KALRN: variants seen among roughly 807,000 people sequenced by gnomAD.
KALRN encodes kalirin RhoGEF kinase.
Under a neutral mutation model 353.7 loss-of-function variants are expected in KALRN, and 70 were observed. The ratio of observed to expected loss-of-function variants is 0.20; its 90% CI spans 0.16 to 0.24. The LOEUF (loss-of-function observed/expected upper bound fraction) is 0.24. KALRN is among the 10% of genes least tolerant of loss of function. The probability of loss-of-function intolerance (pLI) is 1.00; values close to 1 mark genes in which losing one functional copy is unlikely to be tolerated. For synonymous variants in KALRN, 1,391 were observed against 1,434.8 expected (o/e 0.97, Z 0.69); for missense variants, 2,791 against 3,756.7 (o/e 0.74, Z 6.72).
At chr3:124,506,464 A>T (rs572437) in intron 33 of KALRN, among the ~76,000 whole-genome samples, 145,303 of 152,156 alleles carry the variant, frequency 0.95, 69,745 homozygotes, top group East Asian at 1. Context: ...CAGATAGTCT[A>T]ATTTTTTTTT....
chr3:124,500,436 T>C (rs1341692819), intron 33 of KALRN, among the ~76,000 whole-genome samples: 1 of 152,212 alleles, frequency 6.6e-6, no homozygotes, highest in East Asian at 1.9e-4. Context: ...ATAGGGTCTG[T>C]AACTTGGAAA....
intron 34 of KALRN, among the ~76,000 whole-genome samples, chr3:124,580,876 G>C (rs979262704): frequency 6.6e-6 from 1 of 151,928 alleles, no homozygotes; most frequent in South Asian, 2.1e-4. Context: ...GGGAGGCCGA[G>C]GGGGGCAGAT....
At chr3:124,577,117 A>T (rs1006764178) in intron 34 of KALRN, among the ~76,000 whole-genome samples, 1 of 152,178 alleles carries the variant, frequency 6.6e-6, no homozygotes, top group African/African-American at 2.4e-5. Context: ...AATGTTGGCC[A>T]TTCTGGGGAG....
intron 1 of KALRN, among the ~76,000 whole-genome samples, chr3:124,041,216 A>G (rs960303099): frequency 6.6e-5 from 10 of 152,190 alleles, no homozygotes; most frequent in Non-Finnish European, 1.3e-4. Flanking sequence ...GCAGGAGGTA[A>G]ACACTCCATT....
At chr3:124,524,094 A>G (rs2067380180) in intron 33 of KALRN, among the ~76,000 whole-genome samples, 1 of 152,254 alleles carries the variant, frequency 6.6e-6, no homozygotes, top group Non-Finnish European at 1.5e-5. Flanking sequence ...AGAACATGGC[A>G]TGTTATAGAA....
intron 5 of KALRN, among the ~76,000 whole-genome samples, chr3:124,290,102 TG>T (rs1378680498): frequency 6.6e-6 from 1 of 152,196 alleles, no homozygotes; most frequent in Non-Finnish European, 1.5e-5. Flanking sequence ...CTGTCATTTT[TG>T]TCATGCTGAG....
chr3:124,361,909 CT>C (rs1313512319), intron 10 of KALRN, among the ~76,000 whole-genome samples: 1 of 151,642 alleles, frequency 6.6e-6, no homozygotes, highest in East Asian at 1.9e-4. Context: ...CATTTGTAGC[CT>C]CTTTCTTCCT....
chr3:124,356,358 A>T (rs1345627470), intron 10 of KALRN, among the ~76,000 whole-genome samples: 1 of 116,156 alleles, frequency 8.6e-6, no homozygotes. Context: ...TTTGAGACAG[A>T]GTTTCTCTCT....
At chr3:124,512,761 G>A (rs140964121) in intron 33 of KALRN, among the ~76,000 whole-genome samples, 2 of 152,128 alleles carry the variant, frequency 1.3e-5, no homozygotes, top group Non-Finnish European at 2.9e-5. Context: ...ACATACATAC[G>A]TATGTGCATG....
intron 1 of KALRN, among the ~76,000 whole-genome samples, chr3:124,175,853 CT>C (rs1342990171): frequency 3.9e-5 from 6 of 152,228 alleles, no homozygotes; most frequent in African/African-American, 1.4e-4. Flanking sequence ...CCTCTATTCT[CT>C]AGCTGTCCTC....
intron 33 of KALRN, among the ~76,000 whole-genome samples, chr3:124,551,170 G>A (rs2070484440): frequency 6.6e-6 from 1 of 152,094 alleles, no homozygotes; most frequent in South Asian, 2.1e-4. Context: ...TGAGGCATGG[G>A]GAAGCAGTCA....
intron 1 of KALRN, among the ~76,000 whole-genome samples, chr3:124,119,771 G>C (rs751437391): frequency 2.0e-5 from 3 of 152,212 alleles, no homozygotes; most frequent in Non-Finnish European, 4.4e-5. Flanking sequence ...GAGGAGTAGG[G>C]AGGATGGCTT....
intron 5 of KALRN, among the ~76,000 whole-genome samples, chr3:124,271,740 C>G (rs1200748572): frequency 6.6e-6 from 1 of 152,198 alleles, no homozygotes; most frequent in African/African-American, 2.4e-5. Context: ...TGGCGCATGC[C>G]TTGATGGCCC....
intron 33 of KALRN, among the ~76,000 whole-genome samples, chr3:124,542,017 C>G (rs1009044618): frequency 6.6e-6 from 1 of 152,174 alleles, no homozygotes. Flanking sequence ...GGTAGCTTTT[C>G]ATGGGCCAAG....
intron 33 of KALRN, among the ~76,000 whole-genome samples, chr3:124,512,907 A>G (rs1045418396): frequency 3.9e-5 from 6 of 152,148 alleles, no homozygotes; most frequent in Admixed American, 1.3e-4. Flanking sequence ...CCTAATAGAT[A>G]TTATTTTTTA....
At chr3:124,580,384 G>GGGGGGGGGCGGT (rs1398227667) in intron 34 of KALRN, among the ~76,000 whole-genome samples, 1 of 148,548 alleles carries the variant, frequency 6.7e-6, no homozygotes, top group Non-Finnish European at 1.5e-5. Context: ...GGGGAGGGGG[G>GGGGGGGGGCGGT]ACTCAGGCAG....
chr3:124,053,485 C>T (rs1470855879), intron 1 of KALRN, among the ~76,000 whole-genome samples: 2 of 152,150 alleles, frequency 1.3e-5, no homozygotes, highest in Non-Finnish European at 2.9e-5. Context: ...ACTGATGGTG[C>T]TTTCACCAAG....
At chr3:124,378,351 T>C (rs2086865976) in intron 10 of KALRN, among the ~76,000 whole-genome samples, 1 of 152,142 alleles carries the variant, frequency 6.6e-6, no homozygotes, top group African/African-American at 2.4e-5. Flanking sequence ...TTTGTGCTGT[T>C]GTCATATACC....
rs576401330 is a variant in KALRN at position 124,495,356 on chromosome 3, T to C, written c.4833-955T>C. ...TCTCCACACCCAGGAGTTGAAGGTC[T>C]AATATCAGGAATTTCCCAAAGTTAA... On this transcript the variant is annotated intron_variant, in intron 32 of 59. Coordinates refer to ENST00000682506, the MANE Select transcript of KALRN (RefSeq NM_001388419.1). 3.3e-5 allele frequency among the ~76,000 whole-genome samples: 5 copies of C among 152,308 alleles called. No homozygotes were observed. In the East Asian group the frequency reaches 9.6e-4, roughly 29 times the overall value.
Sources: allele counts gnomAD v4.1 joint callset (sites outside exome capture counted in the v4.1 genomes callset), GRCh38; gene constraint gnomAD v4.1.1; transcripts MANE v1.5; gene names NCBI Gene and HGNC (gene_info 2026-07-23, HGNC 2026-07-21).